CCSER1: variants seen among roughly 807,000 people sequenced by gnomAD.
The protein encoded by CCSER1 is coiled-coil serine rich protein 1.
In CCSER1, 41 loss-of-function variants were observed where a neutral mutation model predicts 82.0. The ratio of observed to expected loss-of-function variants is 0.50; its 90% CI spans 0.39 to 0.65. The LOEUF (loss-of-function observed/expected upper bound fraction) is 0.65, where lower values mean the gene tolerates loss of function less well. Among genes scored for constraint, CCSER1 ranks in the 30% least tolerant of loss-of-function variants. CCSER1 has a pLI of 0.00. For synonymous variants in CCSER1, 414 were observed against 383.9 expected (o/e 1.08, Z -0.92); for missense variants, 1,119 against 1,064.2 (o/e 1.05, Z -0.72).
chr4:90,848,471 C>T (rs1234725449), intron 8 of CCSER1, among the ~76,000 whole-genome samples: 1 of 151,946 alleles, frequency 6.6e-6, no homozygotes, highest in Non-Finnish European at 1.5e-5. Flanking sequence ...TGAATGAAGT[C>T]TTTTTTTTCT....
intron 6 of CCSER1, among the ~76,000 whole-genome samples, chr4:90,686,366 T>C (rs1190946775): frequency 6.6e-6 from 1 of 152,068 alleles, no homozygotes; most frequent in Non-Finnish European, 1.5e-5. Context: ...ACTAGATGAA[T>C]AATGCCTAAC....
intron 10 of CCSER1, among the ~76,000 whole-genome samples, chr4:91,309,941 T>C (rs1745347234): frequency 6.6e-6 from 1 of 151,926 alleles, no homozygotes; most frequent in Non-Finnish European, 1.5e-5. Flanking sequence ...GATCAAGGTA[T>C]TGGCAGGGCC....
chr4:91,128,702 T>C (rs897868258), intron 10 of CCSER1, among the ~76,000 whole-genome samples: 1 of 151,932 alleles, frequency 6.6e-6, no homozygotes, highest in Non-Finnish European at 1.5e-5. Flanking sequence ...AGAAGACACA[T>C]AGAAGTGAAA....
chr4:90,171,501 T>C (rs1362190284), intron 1 of CCSER1, among the ~76,000 whole-genome samples: 1 of 151,926 alleles, frequency 6.6e-6, no homozygotes, highest in Non-Finnish European at 1.5e-5. Flanking sequence ...TTAATTTGGA[T>C]TGGTTTTTGT....
At chr4:91,161,330 G>A (rs1213616646) in intron 10 of CCSER1, among the ~76,000 whole-genome samples, 1 of 152,158 alleles carries the variant, frequency 6.6e-6, no homozygotes, top group Non-Finnish European at 1.5e-5. Flanking sequence ...TTGAAGTCAG[G>A]TAGGGTGATG....
intron 3 of CCSER1, among the ~76,000 whole-genome samples, chr4:90,321,773 C>G (rs1323101534): frequency 6.6e-6 from 1 of 151,974 alleles, no homozygotes; most frequent in East Asian, 1.9e-4. Flanking sequence ...TGCCTGTTGT[C>G]CATTTGCTTG....
intron 10 of CCSER1, among the ~76,000 whole-genome samples, chr4:91,275,324 G>C (rs1223355845): frequency 6.6e-6 from 1 of 150,446 alleles, no homozygotes; most frequent in Non-Finnish European, 1.5e-5. Flanking sequence ...TTTGTTTTTT[G>C]TTTTTGTTTT....
chr4:91,424,595 A>G (rs147953951), intron 10 of CCSER1, among the ~76,000 whole-genome samples: 100 of 152,306 alleles, frequency 6.6e-4, no homozygotes, highest in African/African-American at 2.2e-3. Flanking sequence ...CATCAGTAAC[A>G]TAACAGTTTC....
intron 4 of CCSER1, among the ~76,000 whole-genome samples, chr4:90,434,965 G>T (rs1758807050): frequency 6.6e-6 from 1 of 152,256 alleles, no homozygotes; most frequent in South Asian, 2.1e-4. Flanking sequence ...GAATGTAAAT[G>T]GTACCTAGGG....
At chr4:91,311,775 A>G (rs1386818527) in intron 10 of CCSER1, among the ~76,000 whole-genome samples, 1 of 151,970 alleles carries the variant, frequency 6.6e-6, no homozygotes, top group Non-Finnish European at 1.5e-5. Context: ...AGGTAGAATT[A>G]TTAGTTACTG....
At chr4:90,935,348 G>A (rs1421660129) in intron 9 of CCSER1, among the ~76,000 whole-genome samples, 1 of 151,976 alleles carries the variant, frequency 6.6e-6, no homozygotes, top group Admixed American at 6.6e-5. Context: ...GCTTCCTCTC[G>A]GGTAGTGAGT....
At chr4:90,784,226 A>G (rs932547022) in intron 7 of CCSER1, among the ~76,000 whole-genome samples, 5 of 152,204 alleles carry the variant, frequency 3.3e-5, no homozygotes, top group African/African-American at 1.2e-4. Flanking sequence ...CTCGTTTCAT[A>G]TGCACGTGAC....
At chr4:90,705,151 G>A (rs1218831550) in intron 6 of CCSER1, among the ~76,000 whole-genome samples, 1 of 152,142 alleles carries the variant, frequency 6.6e-6, no homozygotes, top group East Asian at 1.9e-4. Flanking sequence ...ATGGGGTTTT[G>A]GTGTGGATGT....
At chr4:90,382,148 A>G (rs974810196) in intron 3 of CCSER1, among the ~76,000 whole-genome samples, 1 of 152,120 alleles carries the variant, frequency 6.6e-6, no homozygotes, top group African/African-American at 2.4e-5. Context: ...GAAAATCTTT[A>G]TATCAAATAG....
chr4:90,357,197 A>G (rs1174299225), intron 3 of CCSER1, among the ~76,000 whole-genome samples: 2 of 151,888 alleles, frequency 1.3e-5, no homozygotes, highest in African/African-American at 2.4e-5. Flanking sequence ...CACTTCTGAG[A>G]TGGTTTTAAA....
At chr4:90,284,083 G>A (rs1326318218) in intron 1 of CCSER1, among the ~76,000 whole-genome samples, 1 of 151,972 alleles carries the variant, frequency 6.6e-6, no homozygotes. Flanking sequence ...GTGATGTTGA[G>A]CAATTTTCAT....
chr4:90,328,300 A>G (rs1738594573), intron 3 of CCSER1, among the ~76,000 whole-genome samples: 1 of 151,704 alleles, frequency 6.6e-6, no homozygotes, highest in East Asian at 1.9e-4. Context: ...ATAGAGAAAT[A>G]TGCAGTGATT....
At chr4:91,236,919 G>A (rs1300310695) in intron 10 of CCSER1, among the ~76,000 whole-genome samples, 1 of 152,146 alleles carries the variant, frequency 6.6e-6, no homozygotes, top group African/African-American at 2.4e-5. Context: ...CCTTTTCAAT[G>A]TCACTGACAT....
At chr4:90,582,256 T>C (rs532657305) in intron 5 of CCSER1, among the ~76,000 whole-genome samples, 30 of 152,310 alleles carry the variant, frequency 2.0e-4, no homozygotes, top group African/African-American at 6.3e-4. Context: ...CCCTAGTAGC[T>C]GGCAAAGGGC....
Sources: gnomAD v4.1 joint callset for allele counts (sites outside exome capture counted in the v4.1 genomes callset) on GRCh38, gnomAD v4.1.1 for gene constraint, MANE v1.5 for transcripts, NCBI Gene and HGNC (gene_info 2026-07-23, HGNC 2026-07-21) for gene names.